Variants in RNASEH1 observed in about 807,000 individuals in gnomAD.
The protein encoded by RNASEH1 is ribonuclease H type II.
Under a neutral mutation model 34.6 loss-of-function variants are expected in RNASEH1, and 27 were observed. That is an observed-to-expected ratio of 0.78 (90% CI 0.58 to 1.08). The LOEUF (loss-of-function observed/expected upper bound fraction) is 1.08. RNASEH1 is among the 50% of genes least tolerant of loss of function. RNASEH1 has a pLI of 0.00. For synonymous variants in RNASEH1, 162 were observed against 138.4 expected, an observed-to-expected ratio of 1.17 and a Z score of -1.20; for missense variants, 349 against 373.6, an observed-to-expected ratio of 0.93 and a Z score of 0.54.
chr2:3,550,781 T>C (rs571286153), intron 3 of RNASEH1, among the ~76,000 whole-genome samples: 1 of 152,320 alleles, frequency 6.6e-6, no homozygotes, highest in Admixed American at 6.5e-5. Flanking sequence ...CAGAGGACAA[T>C]GGCGCTGTCT....
At chr2:3,557,488 C>G (rs1660627233) in intron 1 of RNASEH1, among the ~76,000 whole-genome samples, 1 of 152,224 alleles carries the variant, frequency 6.6e-6, no homozygotes, top group South Asian at 2.1e-4. Context: ...TGAGATGCTT[C>G]TTCCTCAATA....
downstream of RNASEH1, among the ~76,000 whole-genome samples, chr2:3,540,086 C>T (rs1179641927): frequency 1.3e-5 from 2 of 152,148 alleles, no homozygotes; most frequent in Non-Finnish European, 2.9e-5. Context: ...GCACAAAGAA[C>T]ATTTCTTCAA....
Position 3,552,263 on chromosome 2 carries a change from T to C in RNASEH1, c.290A>G (p.Lys97Arg), listed in dbSNP as rs1373613692. Residue 97 changes from lysine to arginine, a missense_variant, in exon 3 of 8, where the codon AAG becomes AGG. This residue lies in a region of RNASEH1 where 256 missense variants were observed against 240.7 expected (regional missense o/e 1.06). Transcript: ENST00000315212. The stretch of plus-strand genomic sequence containing the variant: ...TCCATCCAGTGGCTCACGGAGTCGC[T>C]TGCTGGCTTTCGCCTCCGATTCTTG... ...HGQESEAKAS[K>R]RLREPLDGDG... is the part of the protein sequence containing the mutation. 3 of 1,613,648 alleles carry C rather than the reference T, an allele frequency of 1.9e-6. No individual in the cohort carries two copies. Among genetic ancestry groups the C allele is most frequent in the Admixed American group, 3.3e-5 (2 of 60,010 alleles).
downstream of RNASEH1, among the ~76,000 whole-genome samples, chr2:3,539,291 G>A (rs143627810): frequency 5.9e-5 from 9 of 152,200 alleles, no homozygotes; most frequent in East Asian, 1.2e-3. Context: ...TGTCAGCTGC[G>A]GGCAGAGACA....
intron 6 of RNASEH1, 25 bp from the exon 7 acceptor site, chr2:3,548,080 G>C: frequency 6.2e-7 from 1 of 1,613,576 alleles, no homozygotes; most frequent in Non-Finnish European, 8.5e-7. Context: ...GATCACTGGT[G>C]AGTCAATCTT....
chr2:3,538,344 C>G (rs1015483813), downstream of RNASEH1, among the ~76,000 whole-genome samples: 1 of 151,526 alleles, frequency 6.6e-6, no homozygotes, highest in South Asian at 2.1e-4. Context: ...AAGAGCAAAA[C>G]TCCATCTCAA....
chr2:3,535,446 AG>A, the RNASEH1 span, among the ~76,000 whole-genome samples: 2 of 150,138 alleles, frequency 1.3e-5, no homozygotes, highest in Admixed American at 6.6e-5. Flanking sequence ...AAAAAAAAAA[AG>A]GTTAAGATGT....
Position 3,558,068 on chromosome 2 carries a change from C to A in RNASEH1, c.128+65G>T. The A allele has an allele frequency of 3.3e-6, 5 of 1,509,866 alleles. No individual in the cohort carries two copies. In the South Asian group the frequency reaches 5.2e-5, roughly 16 times the overall value. 93.5% of individuals were successfully genotyped at this position (1,509,866 alleles called of 1,614,324 possible). ...GCCAGGCTCCCGCCGCCGGGGTTAG[C>A]CGGGCTCCGGCCTCCCTCGACCCCG... On this transcript the variant is annotated intron_variant, in intron 1 of 7. Transcript: ENST00000315212.
At position 3,541,891 on chromosome 2, in the gene RNASEH1, A is replaced by C. The variant is rs1473803039; in HGVS notation, c.*3894T>G. Among the ~76,000 whole-genome samples the C allele has an allele frequency of 6.6e-6, 1 of 152,102 alleles. No homozygotes were observed. The highest frequency in any genetic ancestry group is 1.5e-5 in the Non-Finnish European group (1 of 68,010). On this transcript the variant is annotated 3_prime_UTR_variant, in exon 8 of 8. Coordinates refer to ENST00000315212, the MANE Select transcript of RNASEH1 (RefSeq NM_002936.6). ...GGTGGGGCCGGCTTTGGTGGCTCAC[A>C]CCTGTAATCCCAGCACTTTGGGAGG... is the stretch of plus-strand genomic sequence containing the variant.
downstream of RNASEH1, among the ~76,000 whole-genome samples, chr2:3,537,580 G>A (rs1454529131): frequency 6.6e-6 from 1 of 152,036 alleles, no homozygotes; most frequent in Non-Finnish European, 1.5e-5. Flanking sequence ...AATTAGCTGG[G>A]AATGGTGGCA....
At chr2:3,548,094 T>A in intron 6 of RNASEH1, 39 bp from the exon 7 acceptor site, 1 of 1,612,606 alleles carries the variant, frequency 6.2e-7, no homozygotes, top group Non-Finnish European at 8.5e-7. Context: ...CAATCTTGAG[T>A]GTCCTGCCTT....
At chr2:3,557,175 TTG>T (rs1260024252) in intron 1 of RNASEH1, among the ~76,000 whole-genome samples, 3 of 152,234 alleles carry the variant, frequency 2.0e-5, no homozygotes, top group Admixed American at 6.5e-5. Context: ...TATAGTTGTA[TTG>T]TCTTTTTATG....
At chr2:3,540,803 A>T (rs1011461923), downstream of RNASEH1, among the ~76,000 whole-genome samples, 2 of 151,066 alleles carry the variant, frequency 1.3e-5, no homozygotes, top group Non-Finnish European at 3.0e-5. Context: ...TTTTTTTTTT[A>T]AATCACAGAT....
intron 3 of RNASEH1, among the ~76,000 whole-genome samples, chr2:3,551,003 AAAG>A (rs1190930745): frequency 6.6e-6 from 1 of 152,256 alleles, no homozygotes; most frequent in African/African-American, 2.4e-5. Flanking sequence ...CAAAGGCTGT[AAAG>A]AACAAGGTAA....
At chr2:3,550,997 G>C (rs923506040) in intron 3 of RNASEH1, among the ~76,000 whole-genome samples, 3 of 152,230 alleles carry the variant, frequency 2.0e-5, no homozygotes, top group African/African-American at 7.2e-5. Context: ...GACACACAAA[G>C]GCTGTAAAGA....
At chr2:3,551,753 T>C (rs1395113162) in intron 3 of RNASEH1, among the ~76,000 whole-genome samples, 1 of 152,282 alleles carries the variant, frequency 6.6e-6, no homozygotes, top group South Asian at 2.1e-4. Flanking sequence ...TAAAATAGAA[T>C]CTCTTGTTTT....
In RNASEH1 at chr2:3,543,286, T is replaced by G. The variant is rs573973839; in HGVS notation, c.*2499A>C. Among the ~76,000 whole-genome samples the G allele has an allele frequency of 6.6e-6, 1 of 152,350 alleles. No individual in the cohort carries two copies. Among genetic ancestry groups the G allele is most frequent in the East Asian group, 1.9e-4 (1 of 5,180 alleles). The stretch of plus-strand genomic sequence containing the variant: ...CGCACAGGAGAACGTTCTGAACCAC[T>G]TTTGGTCCTGAGTGCTACCCAGCTG... On this transcript the variant is annotated 3_prime_UTR_variant, in exon 8 of 8. Transcript: ENST00000315212.
chr2:3,553,228 A>G (rs575007180), intron 2 of RNASEH1, among the ~76,000 whole-genome samples: 1 of 151,082 alleles, frequency 6.6e-6, no homozygotes, highest in Non-Finnish European at 1.5e-5. Flanking sequence ...AGCCTGGGCG[A>G]GAGAGTGAGA....
intron 2 of RNASEH1, 73 bp from the exon 3 acceptor site, chr2:3,552,381 C>A: frequency 1.4e-6 from 2 of 1,423,216 alleles, no homozygotes; most frequent in East Asian, 2.3e-5. Context: ...TGAAGACATT[C>A]AGTAAATTAT....
Sources: gnomAD v4.1 joint callset for allele counts (sites outside exome capture counted in the v4.1 genomes callset) on GRCh38, gnomAD v4.1.1 for gene constraint, gnomAD v4.1.1 regional missense constraint, MANE v1.5 for transcripts, NCBI Gene and HGNC (gene_info 2026-07-23, HGNC 2026-07-21) for gene names.